The following TBC1D1 variants were observed in gnomAD, a reference collection of about 807,000 sequenced individuals.
TBC1D1 encodes the protein TBC1 (tre-2/USP6, BUB2, cdc16) domain family, member 1.
In TBC1D1, 89 loss-of-function variants were observed where a neutral mutation model predicts 125.6. That is an observed-to-expected ratio of 0.71 (90% CI 0.60 to 0.85). TBC1D1 has a LOEUF of 0.85. Among genes scored for constraint, TBC1D1 ranks in the 40% least tolerant of loss-of-function variants. TBC1D1 has a pLI of 0.00. For missense variants in TBC1D1, 1,377 were observed against 1,469.2 expected (o/e 0.94, Z 1.03); for synonymous variants, 565 against 564.1 (o/e 1.00, Z -0.02).
At chr4:38,035,562 T>A (rs776760233) in intron 7 of TBC1D1, 26 bp from the exon 8 acceptor site, 12 of 1,575,336 alleles carry the variant, frequency 7.6e-6, no homozygotes, top group African/African-American at 1.4e-5. Flanking sequence ...TAAAAATAAA[T>A]CCTGTTTCTG....
intron 2 of TBC1D1, among the ~76,000 whole-genome samples, chr4:37,933,333 C>G (rs1287031419): frequency 6.6e-6 from 1 of 151,772 alleles, no homozygotes; most frequent in African/African-American, 2.4e-5. Context: ...TATTTATATA[C>G]ATGTAACAAA....
At chr4:38,001,683 C>T (rs1331248771) in intron 2 of TBC1D1, among the ~76,000 whole-genome samples, 2 of 152,322 alleles carry the variant, frequency 1.3e-5, no homozygotes, top group Non-Finnish European at 2.9e-5. Context: ...TAATATTACC[C>T]AGTTCCCTCA....
At chr4:37,909,685 A>C (rs1481277736) in intron 2 of TBC1D1, among the ~76,000 whole-genome samples, 1 of 152,200 alleles carries the variant, frequency 6.6e-6, no homozygotes, top group Non-Finnish European at 1.5e-5. Context: ...TCTAAACTTC[A>C]AACATTTGTC....
intron 15 of TBC1D1, among the ~76,000 whole-genome samples, chr4:38,112,420 G>C (rs545385169): frequency 5.3e-5 from 8 of 152,266 alleles, no homozygotes; most frequent in Non-Finnish European, 1.2e-4. Flanking sequence ...CCTCTTGTTT[G>C]GAAACTGGGT....
At position 38,102,995 on chromosome 4, in the gene TBC1D1, A is replaced by C. The variant is rs755269443; in HGVS notation, c.2399-4A>C. ...TATTTCCATGTCTTCTCTCCCTTTT[A>C]AAGGTGTGCCACGTCATCACCGAGG... is the stretch of plus-strand genomic sequence containing the variant. On this transcript the variant is annotated splice_polypyrimidine_tract_variant and splice_region_variant and intron_variant, in intron 14 of 19. Coordinates refer to ENST00000261439, the MANE Select transcript of TBC1D1 (RefSeq NM_015173.4). The C allele has an allele frequency of 6.2e-7, 1 of 1,612,442 alleles. No homozygotes were observed. The highest frequency in any genetic ancestry group is 8.5e-7 in the Non-Finnish European group (1 of 1,179,390).
At chr4:38,027,006 C>T (rs1465714338) in intron 6 of TBC1D1, among the ~76,000 whole-genome samples, 1 of 152,026 alleles carries the variant, frequency 6.6e-6, no homozygotes, top group Non-Finnish European at 1.5e-5. Flanking sequence ...TTGTTTTTTC[C>T]TAAGAAAAAG....
At position 38,072,932 on chromosome 4, in the gene TBC1D1, G is replaced by A. The variant is rs1465925042; in HGVS notation, c.2051-17000G>A. Among the ~76,000 whole-genome samples, 4 of 152,142 alleles carry A rather than the reference G, an allele frequency of 2.6e-5. No homozygotes were observed. In the South Asian group the frequency reaches 8.3e-4, roughly 32 times the overall value. ...GTCCTCAAGGTTCATTCACGTTGTA[G>A]CATATGACAGGATTTCTCTCTTTTT... On this transcript the variant is annotated intron_variant, in intron 12 of 19. Coordinates refer to ENST00000261439, the MANE Select transcript of TBC1D1 (RefSeq NM_015173.4).
chr4:38,068,683 A>G (rs1560729923), intron 12 of TBC1D1, among the ~76,000 whole-genome samples: 1 of 152,260 alleles, frequency 6.6e-6, no homozygotes, highest in East Asian at 1.9e-4. Context: ...TAAATGTAAT[A>G]AAAATGTAGC....
chr4:38,122,996 A>AG (rs5857599), intron 17 of TBC1D1, among the ~76,000 whole-genome samples: 8 of 152,072 alleles, frequency 5.3e-5, no homozygotes, highest in African/African-American at 1.9e-4. Context: ...TTGTAAAAAA[A>AG]CCAAGATCCT....
rs1742164445 is a variant in TBC1D1 at position 38,014,383 on chromosome 4, G to A, written c.418-126G>A. Reference sequence around the variant, plus strand: ...CCCTCCCGTGGGCTCCTCCTCCAGTGGGCTCCTCCTCCAGTGCTCCGCAGT... The same window carrying A: ...CCCTCCCGTGGGCTCCTCCTCCAGTAGGCTCCTCCTCCAGTGCTCCGCAGT... On this transcript the variant is annotated intron_variant, in intron 2 of 19. Transcript: ENST00000261439. The surrounding 1 kb of genome is among the most constrained non-coding windows in gnomAD (Gnocchi z 5.1). The A allele has an allele frequency of 1.2e-6, 1 of 852,306 alleles. No homozygotes were observed. The highest frequency in any genetic ancestry group is 1.7e-5 in the African/African-American group (1 of 59,616). 52.8% of individuals were successfully genotyped at this position (852,306 alleles called of 1,614,324 possible).
rs767328237 is a variant in TBC1D1 at position 37,913,627 on chromosome 4, GTA to G, written c.417+11127_417+11128del. Among the ~76,000 whole-genome samples, 16 of 148,146 alleles carry G rather than the reference GTA, an allele frequency of 1.1e-4. 1 individual carries two copies. Among genetic ancestry groups the G allele is most frequent in the Admixed American group, 8.2e-4 (12 of 14,722 alleles). On this transcript the variant is annotated intron_variant, in intron 2 of 19. Transcript: ENST00000261439. ...AAAATAAATATATATATATATGTGT[GTA>G]TATATATATATGTGTGTGTGTGTGT...
Position 37,902,308 on chromosome 4 carries a change from T to A in TBC1D1, c.213T>A (p.Ser71=). The A allele has an allele frequency of 6.2e-7, 1 of 1,614,074 alleles. No individual in the cohort carries two copies. The highest frequency in any genetic ancestry group is 8.5e-7 in the Non-Finnish European group (1 of 1,180,018). Residue 71 remains serine, a synonymous_variant, in exon 2 of 20, where the codon TCT becomes TCA. Transcript: ENST00000261439. ...AAGTCCGGCTTTGCGTTTCACCCTCTGGACTGAGATGTGAACCTGAGCCAG... is the reference window on the plus strand; with the variant it reads ...AAGTCCGGCTTTGCGTTTCACCCTCAGGACTGAGATGTGAACCTGAGCCAG...
chr4:37,930,111 A>T (rs1487565996), intron 2 of TBC1D1, among the ~76,000 whole-genome samples: 1 of 152,238 alleles, frequency 6.6e-6, no homozygotes, highest in East Asian at 1.9e-4. Flanking sequence ...GAAACAACCC[A>T]TCAACAGTAG....
chr4:37,919,793 C>T (rs1450760043), intron 2 of TBC1D1, among the ~76,000 whole-genome samples: 2 of 152,046 alleles, frequency 1.3e-5, no homozygotes, highest in Non-Finnish European at 2.9e-5. Context: ...CCACAGCTGG[C>T]GAGAATTGGT....
chr4:38,074,040 T>G (rs1386920429), intron 12 of TBC1D1, among the ~76,000 whole-genome samples: 1 of 152,216 alleles, frequency 6.6e-6, no homozygotes, highest in East Asian at 1.9e-4. Context: ...GCTGGTAGTT[T>G]GCACAATTGC....
chr4:38,032,293 T>G (rs1445269655), intron 7 of TBC1D1, among the ~76,000 whole-genome samples: 3 of 151,804 alleles, frequency 2.0e-5, no homozygotes, highest in East Asian at 3.9e-4. Flanking sequence ...CACTCCAGCC[T>G]GGGGGATAGA....
chr4:38,083,555 G>T (rs1315883378), intron 12 of TBC1D1, among the ~76,000 whole-genome samples: 4 of 152,242 alleles, frequency 2.6e-5, no homozygotes, highest in African/African-American at 9.6e-5. Flanking sequence ...TGTTTACTGT[G>T]TGCAGGCTTG....
At chr4:38,112,618 G>C (rs984631355) in intron 15 of TBC1D1, among the ~76,000 whole-genome samples, 2 of 152,194 alleles carry the variant, frequency 1.3e-5, no homozygotes, top group African/African-American at 2.4e-5. Context: ...ACGTGCCAGA[G>C]GCCATTTTGT....
chr4:38,055,269 G>A (rs1400539567), intron 12 of TBC1D1, among the ~76,000 whole-genome samples: 2 of 152,116 alleles, frequency 1.3e-5, no homozygotes, highest in Non-Finnish European at 2.9e-5. Context: ...CATGTCTGAC[G>A]AGCTACCCGC....
Sources: allele counts gnomAD v4.1 joint callset (sites outside exome capture counted in the v4.1 genomes callset), GRCh38; gene constraint gnomAD v4.1.1; non-coding constraint Gnocchi (gnomAD v3.1); transcripts MANE v1.5; gene names NCBI Gene and HGNC (gene_info 2026-07-23, HGNC 2026-07-21).